EYS: variants seen among roughly 807,000 people sequenced by gnomAD.
The protein encoded by EYS is protein eyes shut homolog.
Under a neutral mutation model 282.1 loss-of-function variants are expected in EYS, and 250 were observed. That is an observed-to-expected ratio of 0.89 (90% CI 0.80 to 0.98). The LOEUF is 0.98. EYS is among the 50% of genes least tolerant of loss of function. The probability of loss-of-function intolerance (pLI) is 0.00; values close to 1 mark genes in which losing one functional copy is unlikely to be tolerated. For missense variants in EYS, 4,016 were observed against 3,709.0 expected (o/e 1.08, Z -2.15); for synonymous variants, 1,355 against 1,282.9 (o/e 1.06, Z -1.20).
chr6:65,341,871 T>A (rs1378704218), intron 10 of EYS, among the ~76,000 whole-genome samples: 1 of 151,262 alleles, frequency 6.6e-6, no homozygotes, highest in African/African-American at 2.4e-5. Context: ...AATTAATTGA[T>A]CATAAATATT....
intron 2 of EYS, among the ~76,000 whole-genome samples, chr6:65,582,739 C>A (rs990207643): frequency 7.9e-5 from 12 of 152,032 alleles, no homozygotes; most frequent in South Asian, 4.1e-4. Flanking sequence ...ATTTAGAATA[C>A]CATAACCAAG....
chr6:64,554,401 T>C (rs897210896), intron 26 of EYS, among the ~76,000 whole-genome samples: 2 of 152,030 alleles, frequency 1.3e-5, no homozygotes, highest in Non-Finnish European at 2.9e-5. Context: ...CAATTAGGTA[T>C]AGAAGAAGGG....
intron 22 of EYS, among the ~76,000 whole-genome samples, chr6:64,781,710 G>A (rs1216098149): frequency 6.6e-6 from 1 of 151,942 alleles, no homozygotes; most frequent in Non-Finnish European, 1.5e-5. Context: ...CTGCTATCAA[G>A]TTTTCAATTT....
At chr6:64,421,809 C>T (rs1230959786) in intron 28 of EYS, among the ~76,000 whole-genome samples, 1 of 148,480 alleles carries the variant, frequency 6.7e-6, no homozygotes, top group South Asian at 2.1e-4. Context: ...AGGGAGGGAG[C>T]GAAGAAGAGA....
chr6:64,823,833 A>C (rs1315253604), intron 19 of EYS, among the ~76,000 whole-genome samples: 1 of 151,938 alleles, frequency 6.6e-6, no homozygotes, highest in Non-Finnish European at 1.5e-5. Context: ...AGCTACTCTA[A>C]TATGTGCATA....
intron 33 of EYS, among the ~76,000 whole-genome samples, chr6:64,044,919 T>C (rs568782922): frequency 4.6e-5 from 7 of 152,276 alleles, no homozygotes; most frequent in African/African-American, 1.7e-4. Context: ...AATGCAGTGG[T>C]TAAAATTAAA....
At chr6:65,432,548 A>C (rs1172212501) in intron 5 of EYS, among the ~76,000 whole-genome samples, 1 of 152,124 alleles carries the variant, frequency 6.6e-6, no homozygotes, top group Non-Finnish European at 1.5e-5. Context: ...TTTGCAGAAC[A>C]AGAAGGAGCC....
intron 30 of EYS, among the ~76,000 whole-genome samples, chr6:64,250,150 T>A (rs1048656439): frequency 6.6e-6 from 1 of 152,236 alleles, no homozygotes; most frequent in Non-Finnish European, 1.5e-5. Context: ...ATATTACCTA[T>A]CCTTTTCTCC....
intron 2 of EYS, among the ~76,000 whole-genome samples, chr6:65,549,171 C>T (rs919623149): frequency 1.3e-5 from 2 of 152,114 alleles, no homozygotes; most frequent in Non-Finnish European, 2.9e-5. Context: ...GGTCCCTGGC[C>T]CAGGGGCTGA....
intron 41 of EYS, among the ~76,000 whole-genome samples, chr6:63,733,661 T>C (rs764416425): frequency 3.3e-5 from 5 of 152,298 alleles, no homozygotes; most frequent in Middle Eastern, 3.4e-3. Context: ...AAGGAAAGTT[T>C]ATTACAGCAT....
chr6:65,168,001 A>C (rs1407836522), intron 12 of EYS, among the ~76,000 whole-genome samples: 1 of 151,188 alleles, frequency 6.6e-6, no homozygotes, highest in African/African-American at 2.4e-5. Flanking sequence ...TTTCTTCTTG[A>C]ACAGAGAGAA....
At chr6:65,512,357 C>A (rs1381577101) in intron 2 of EYS, among the ~76,000 whole-genome samples, 1 of 151,446 alleles carries the variant, frequency 6.6e-6, no homozygotes, top group African/African-American at 2.4e-5. Flanking sequence ...CCGGGTGTGG[C>A]GAGCACCTGT....
intron 13 of EYS, among the ~76,000 whole-genome samples, chr6:65,049,690 C>T (rs947861050): frequency 6.6e-6 from 1 of 151,590 alleles, no homozygotes; most frequent in Non-Finnish European, 1.5e-5. Context: ...TGCAAACAAC[C>T]CTTCTCTGTG....
chr6:65,023,861 A>G (rs1561926632), intron 13 of EYS, among the ~76,000 whole-genome samples: 1 of 152,226 alleles, frequency 6.6e-6, no homozygotes, highest in Non-Finnish European at 1.5e-5. Flanking sequence ...ACCACCTAGT[A>G]AGCTGAGAGA....
intron 14 of EYS, among the ~76,000 whole-genome samples, chr6:64,984,873 C>A (rs1456509323): frequency 6.6e-6 from 1 of 151,364 alleles, no homozygotes; most frequent in African/African-American, 2.4e-5. Flanking sequence ...TCTTAGCTTC[C>A]GGAAATTATT....
At chr6:64,242,362 T>A (rs891151646) in intron 30 of EYS, among the ~76,000 whole-genome samples, 3 of 152,166 alleles carry the variant, frequency 2.0e-5, no homozygotes, top group South Asian at 2.1e-4. Context: ...AGATTGATAC[T>A]TTCTGCATTT....
Position 64,031,773 on chromosome 6 carries a change from C to T in EYS, c.6726-32590G>A, listed in dbSNP as rs182051569. ...GTGTGTCTAGCTAATCTGGTGGGGA[C>T]GTGGAGAACATCTGTGTCTAGCTCA... is the stretch of plus-strand genomic sequence containing the variant. On this transcript the variant is annotated intron_variant, in intron 33 of 42. Transcript: ENST00000503581. Among the ~76,000 whole-genome samples the T allele has an allele frequency of 1.9e-3, 294 of 152,196 alleles. 1 individual carries two copies. Among genetic ancestry groups the T allele is most frequent in the Non-Finnish European group, 3.0e-3 (201 of 68,004 alleles).
At chr6:64,954,677 T>G (rs1769629724) in intron 14 of EYS, among the ~76,000 whole-genome samples, 2 of 152,150 alleles carry the variant, frequency 1.3e-5, no homozygotes, top group Non-Finnish European at 2.9e-5. Flanking sequence ...TCCAGTATTA[T>G]GACCTCAAAG....
chr6:65,268,202 T>C (rs889570857), intron 12 of EYS, among the ~76,000 whole-genome samples: 1 of 152,076 alleles, frequency 6.6e-6, no homozygotes, highest in African/African-American at 2.4e-5. Flanking sequence ...TGCAAATATG[T>C]ATGTGAAATA....
Sources: allele counts gnomAD v4.1 joint callset (sites outside exome capture counted in the v4.1 genomes callset), GRCh38; gene constraint gnomAD v4.1.1; transcripts MANE v1.5; gene names NCBI Gene and HGNC (gene_info 2026-07-23, HGNC 2026-07-21).